The following NLGN4X variants were observed in gnomAD, a reference collection of about 807,000 sequenced individuals.
The protein encoded by NLGN4X is neuroligin 4 X-linked, also known as neuroligin-4, X-linked.
Under a neutral mutation model 40.3 loss-of-function variants are expected in NLGN4X, and 3 were observed. That is an observed-to-expected ratio of 0.07 (90% CI 0.03 to 0.19). The LOEUF (loss-of-function observed/expected upper bound fraction) is 0.19. NLGN4X is among the 10% of genes least tolerant of loss of function. The pLI, the probability that NLGN4X is intolerant of heterozygous loss-of-function variation, is 1.00. For missense variants in NLGN4X, 382 were observed against 708.3 expected, an observed-to-expected ratio of 0.54 and a Z score of 5.23; for synonymous variants, 270 against 306.8, an observed-to-expected ratio of 0.88 and a Z score of 1.25.
chrX:6,032,636 A>G, intron 2 of NLGN4X: 1 of 796,386 alleles, frequency 1.3e-6, no homozygotes, highest in Non-Finnish European at 1.8e-6. Context: ...AAAAAGAGAG[A>G]TAGATAGATA....
At chrX:6,207,379 C>G (rs1924128491) in intron 1 of NLGN4X, among the ~76,000 whole-genome samples, 1 of 111,833 alleles carries the variant, frequency 8.9e-6, no homozygotes, top group Non-Finnish European at 1.9e-5. Flanking sequence ...TTGGCTGGAG[C>G]CTGATTTATT....
intron 1 of NLGN4X, among the ~76,000 whole-genome samples, chrX:6,158,186 T>A (rs925665956): frequency 5.4e-5 from 6 of 111,792 alleles, no homozygotes; most frequent in Admixed American, 4.8e-4. Flanking sequence ...CATGGAGGCA[T>A]ACACCTGTAG....
At position 5,969,580 on chromosome X, in the gene NLGN4X, T is replaced by C. The variant is rs985010041; in HGVS notation, c.625+59700A>G. Among the ~76,000 whole-genome samples the C allele has an allele frequency of 4.8e-4, 54 of 111,509 alleles. 1 individual carries two copies. The highest frequency in any genetic ancestry group is 8.5e-4 in the Non-Finnish European group (45 of 53,101). On this transcript the variant is annotated intron_variant, in intron 3 of 5. Transcript: ENST00000381095. ...AATGCTTTTACACTGTTGGCGGGAC[T>C]GTAAACTAGTTCAACCATTGTGGAA...
chrX:5,913,168 T>C lies in NLGN4X; in HGVS notation c.626-3929A>G, dbSNP rs2032595672. Among the ~76,000 whole-genome samples, 8 of 111,332 alleles carry C rather than the reference T, an allele frequency of 7.2e-5. No individual in the cohort carries two copies. In the Admixed American group the frequency reaches 7.6e-4, roughly 11 times the overall value. The stretch of plus-strand genomic sequence containing the variant: ...TAAATAAAGAGTGATCTTAAAAAAT[T>C]CTAATGGTGTGATTTTTTGCAAGCT... On this transcript the variant is annotated intron_variant, in intron 3 of 5. Coordinates refer to ENST00000381095, the MANE Select transcript of NLGN4X (RefSeq NM_181332.3).
chrX:5,986,389 C>T (rs888476875), intron 3 of NLGN4X, among the ~76,000 whole-genome samples: 1 of 111,796 alleles, frequency 8.9e-6, no homozygotes, highest in Non-Finnish European at 1.9e-5. Flanking sequence ...GAAAAATAAA[C>T]TAGACCTCTT....
intron 2 of NLGN4X, among the ~76,000 whole-genome samples, chrX:6,095,102 CGTGT>C (rs56285921): frequency 0.3 from 25,617 of 86,803 alleles, 3,376 homozygotes; most frequent in Middle Eastern, 0.44. Context: ...TACGTGCGTG[CGTGT>C]GTGTGTGTGT....
rs73182598 is a variant in NLGN4X, at chrX:5,952,349, A to T, written c.626-43110T>A. 4.7e-3 allele frequency among the ~76,000 whole-genome samples: 522 copies of T among 112,030 alleles called. 4 individuals carry two copies. The highest frequency in any genetic ancestry group is 0.023 in the Middle Eastern group (5 of 219). On this transcript the variant is annotated intron_variant, in intron 3 of 5. Coordinates refer to ENST00000381095, the MANE Select transcript of NLGN4X (RefSeq NM_181332.3). ...TGTGGATGTGATGTTAGGTGCGCCC[A>T]GTGGATATAAACTACAAAAGATGTA...
At chrX:6,072,334 A>G (rs1282656638) in intron 2 of NLGN4X, among the ~76,000 whole-genome samples, 1 of 111,440 alleles carries the variant, frequency 9.0e-6, no homozygotes, top group Non-Finnish European at 1.9e-5. Flanking sequence ...CTTAGCTGCC[A>G]TCGTGAGGTT....
chrX:6,017,433 T>A (rs751436300), intron 3 of NLGN4X, among the ~76,000 whole-genome samples: 41 of 111,719 alleles, frequency 3.7e-4, no homozygotes, highest in African/African-American at 1.2e-3. Flanking sequence ...AAGGAAAAAT[T>A]AAACAGCAAT....
At chrX:6,034,117 G>A (rs894772901) in intron 2 of NLGN4X, among the ~76,000 whole-genome samples, 1 of 112,159 alleles carries the variant, frequency 8.9e-6, no homozygotes, top group Non-Finnish European at 1.9e-5. Context: ...CATTTCATGG[G>A]GGCTTAATAC....
intron 3 of NLGN4X, among the ~76,000 whole-genome samples, chrX:5,998,079 C>G (rs893099015): frequency 1.8e-5 from 2 of 111,534 alleles, no homozygotes; most frequent in African/African-American, 6.5e-5. Flanking sequence ...TATGCTCTCT[C>G]TTGTTTAGGA....
chrX:6,170,130 C>T (rs927559765), intron 1 of NLGN4X, among the ~76,000 whole-genome samples: 2 of 110,400 alleles, frequency 1.8e-5, no homozygotes, highest in Non-Finnish European at 3.8e-5. Flanking sequence ...CCTCAGTCTC[C>T]TGAATAGCTG....
intron 2 of NLGN4X, among the ~76,000 whole-genome samples, chrX:6,143,128 G>T (rs766714279): frequency 9.6e-4 from 108 of 112,331 alleles, no homozygotes; most frequent in African/African-American, 3.4e-3. Context: ...ACTAACATCA[G>T]ATTACAGGGT....
chrX:5,976,917 T>C (rs1265170505), intron 3 of NLGN4X, among the ~76,000 whole-genome samples: 2 of 112,881 alleles, frequency 1.8e-5, no homozygotes, highest in Non-Finnish European at 3.7e-5. Flanking sequence ...CACTTGCTCG[T>C]GGTATTAACT....
intron 1 of NLGN4X, among the ~76,000 whole-genome samples, chrX:6,185,676 T>C (rs748987158): frequency 3.6e-5 from 4 of 112,231 alleles, no homozygotes; most frequent in Non-Finnish European, 5.6e-5. Flanking sequence ...ATCACAATAA[T>C]TGTTTGCATT....
At chrX:6,127,798 A>C (rs2039593081) in intron 2 of NLGN4X, among the ~76,000 whole-genome samples, 1 of 112,115 alleles carries the variant, frequency 8.9e-6, no homozygotes, top group Non-Finnish European at 1.9e-5. Flanking sequence ...GTTGGGGTAG[A>C]ACAGGATTTC....
chrX:6,124,818 G>A (rs926047678), intron 2 of NLGN4X, among the ~76,000 whole-genome samples: 3 of 112,369 alleles, frequency 2.7e-5, no homozygotes, highest in Non-Finnish European at 5.6e-5. Flanking sequence ...ATTTGTATTT[G>A]TGAATATGTC....
At chrX:6,111,107 CTTAT>C (rs2039138596) in intron 2 of NLGN4X, among the ~76,000 whole-genome samples, 1 of 111,804 alleles carries the variant, frequency 8.9e-6, no homozygotes, top group Non-Finnish European at 1.9e-5. Flanking sequence ...CATTGGTTTC[CTTAT>C]TTAGTTTTAT....
intron 2 of NLGN4X, among the ~76,000 whole-genome samples, chrX:6,037,935 TGGG>T (rs1470978194): frequency 2.7e-5 from 3 of 111,489 alleles, no homozygotes; most frequent in African/African-American, 9.8e-5. Context: ...CCATGACACA[TGGG>T]TTCATTCACT....
Sources: allele counts gnomAD v4.1 joint callset (sites outside exome capture counted in the v4.1 genomes callset), GRCh38; gene constraint gnomAD v4.1.1; transcripts MANE v1.5; gene names NCBI Gene and HGNC (gene_info 2026-07-23, HGNC 2026-07-21).